MED28: variants seen among roughly 807,000 people sequenced by gnomAD.
The protein encoded by MED28 is mediator of RNA polymerase II transcription subunit 28.
MED28 carries 26 observed loss-of-function variants against 21.3 expected under a neutral mutation model. That is an observed-to-expected ratio of 1.22 (90% CI 0.89 to 1.69). The LOEUF is 1.69. Among genes scored for constraint, MED28 ranks in the 40% most tolerant of loss-of-function variants. MED28 has a pLI of 0.00. For synonymous variants in MED28, 110 were observed against 87.6 expected (o/e 1.26, Z -1.43); for missense variants, 257 against 215.4 (o/e 1.19, Z -1.21).
Position 17,625,926 on chromosome 4 carries a change from G to T in MED28, c.*2128G>T. On this transcript the variant is annotated 3_prime_UTR_variant, in exon 4 of 4. Transcript: ENST00000237380. ...TTTCAACTTTGAAACAAACATCTGT[G>T]CCACACACATTTTGTAAATGATCCC... is the stretch of plus-strand genomic sequence containing the variant. The T allele has an allele frequency of 5.4e-6, 1 of 186,860 alleles. No homozygotes were observed. Among genetic ancestry groups the T allele is most frequent in the South Asian group, 8.8e-5 (1 of 11,418 alleles). 11.6% of individuals were successfully genotyped at this position (186,860 alleles called of 1,614,324 possible).
At chr4:17,614,883 G>C (rs138425068) in intron 1 of MED28, 70 bp downstream of exon 1, 6 of 1,499,108 alleles carry the variant, frequency 4.0e-6, no homozygotes, top group East Asian at 4.6e-5. Flanking sequence ...GCGCGTACGC[G>C]TATCTCCTCC....
At chr4:17,621,017 T>TG (rs1714611776) in intron 2 of MED28, among the ~76,000 whole-genome samples, 1 of 108,258 alleles carries the variant, frequency 9.2e-6, no homozygotes, top group African/African-American at 3.4e-5. Context: ...CTCTGCCTTG[T>TG]GTTTTTTTTT....
At chr4:17,618,324 G>T (rs116495656) in intron 1 of MED28, among the ~76,000 whole-genome samples, 3,393 of 152,120 alleles carry the variant, frequency 0.022, 119 homozygotes, top group African/African-American at 0.077. Flanking sequence ...TTTTTCTTGA[G>T]TGGGTGGAGG....
At chr4:17,620,810 C>G (rs536485032) in intron 2 of MED28, among the ~76,000 whole-genome samples, 1 of 151,664 alleles carries the variant, frequency 6.6e-6, no homozygotes, top group Admixed American at 6.6e-5. Context: ...TGAAGCAGTC[C>G]TCCCATTTCA....
At chr4:17,616,603 C>T (rs1383679300) in intron 1 of MED28, among the ~76,000 whole-genome samples, 1 of 152,200 alleles carries the variant, frequency 6.6e-6, no homozygotes, top group Non-Finnish European at 1.5e-5. Flanking sequence ...CCCACGTGTA[C>T]CATTTGTTTT....
At position 17,624,841 on chromosome 4, in the gene MED28, A is replaced by G. The variant is rs1039263826; in HGVS notation, c.*1043A>G. On this transcript the variant is annotated 3_prime_UTR_variant, in exon 4 of 4. Coordinates refer to ENST00000237380, the MANE Select transcript of MED28 (RefSeq NM_025205.5). ...TTTGGGAGGGTATTTTGCTCTCGTT[A>G]GTTTTGTGGGCAGCCTCAGATTCCC... is the stretch of plus-strand genomic sequence containing the variant. The G allele has an allele frequency of 6.6e-6, 1 of 151,994 alleles. No individual in the cohort carries two copies. Among genetic ancestry groups the G allele is most frequent in the African/African-American group, 2.4e-5 (1 of 41,362 alleles). 9.4% of individuals were successfully genotyped at this position (151,994 alleles called of 1,614,324 possible).
rs200433148 is a variant in MED28 at position 17,614,787 on chromosome 4, G to C, written c.133G>C (p.Val45Leu). The C allele has an allele frequency of 4.3e-6, 7 of 1,612,240 alleles. No homozygotes were observed. The highest frequency in any genetic ancestry group is 5.9e-6 in the Non-Finnish European group (7 of 1,179,284). The part of the protein sequence containing the change: ...GAPRPSSSTL[V>L]DELESSFEAC... ...TCCTAGACCTTCCAGCAGTACTTTG[G>C]TGGACGAGTTGGAGTCATCTTTCGA... is the stretch of plus-strand genomic sequence containing the variant. Residue 45 changes from valine to leucine, a missense_variant, in exon 1 of 4, where the codon GTG becomes CTG. Transcript: ENST00000237380.
At position 17,614,676 on chromosome 4, in the gene MED28, A is replaced by C; in HGVS notation, c.22A>C (p.Met8Leu). 2 of 1,612,792 alleles carry C rather than the reference A, an allele frequency of 1.2e-6. No individual in the cohort carries two copies. The highest frequency in any genetic ancestry group is 1.7e-6 in the Non-Finnish European group (2 of 1,179,712). MAAPLGG[M>L]FSGQPPGPPQ... Reference sequence around the variant, plus strand: ...AAACATGGCGGCTCCACTAGGGGGTATGTTTTCTGGGCAGCCACCCGGTCC... The same window carrying C: ...AAACATGGCGGCTCCACTAGGGGGTCTGTTTTCTGGGCAGCCACCCGGTCC... The change falls in exon 1 of 4, where the codon ATG becomes CTG. Residue 8 changes from methionine (M) to leucine (L), a missense_variant. By Grantham distance (15) the Met-to-Leu change is conservative (BLOSUM62 2). Coordinates refer to ENST00000237380, the MANE Select transcript of MED28 (RefSeq NM_025205.5).
At chr4:17,620,762 G>T (rs1714603932) in intron 2 of MED28, among the ~76,000 whole-genome samples, 1 of 147,442 alleles carries the variant, frequency 6.8e-6, no homozygotes, top group Non-Finnish European at 1.5e-5. Flanking sequence ...GAGTGCAGTG[G>T]CATGATCTCT....
In MED28 at chr4:17,633,957, C is replaced by G. The variant is rs1220022352; in HGVS notation, c.*10159C>G. ...ACAAAATAAAGCATTATTGTAAAAG[C>G]AAATAATGCTCACCCAATCAAAATT... On this transcript the variant is annotated 3_prime_UTR_variant, in exon 4 of 4. Transcript: ENST00000237380. 8.3e-7 allele frequency: 1 copy of G among 1,206,176 alleles called. No individual in the cohort carries two copies. Among genetic ancestry groups the G allele is most frequent in the African/African-American group, 1.6e-5 (1 of 63,396 alleles). The allele number at this position is 1,206,176 out of a possible 1,614,324, so 74.7% of individuals were successfully genotyped here. A position where few individuals can be genotyped will look rare whatever the true frequency, so the allele number is the denominator to read the frequency against.
chr4:17,614,683 C>A lies in MED28; in HGVS notation c.29C>A (p.Ser10Tyr). 6.2e-7 allele frequency: 1 copy of A among 1,613,360 alleles called. No homozygotes were observed. Among genetic ancestry groups the A allele is most frequent in the Non-Finnish European group, 8.5e-7 (1 of 1,179,846 alleles). ...GCGGCTCCACTAGGGGGTATGTTTT[C>A]TGGGCAGCCACCCGGTCCCCCTCAG... MAAPLGGMF[S>Y]GQPPGPPQAP... is the part of the protein sequence containing the mutation. Residue 10 changes from serine to tyrosine, a missense_variant, in exon 1 of 4, where the codon TCT (serine) becomes TAT (tyrosine). Coordinates refer to ENST00000237380, the MANE Select transcript of MED28 (RefSeq NM_025205.5).
Position 17,633,904 on chromosome 4 carries a change from G to A in MED28, c.*10106G>A. On this transcript the variant is annotated 3_prime_UTR_variant, in exon 4 of 4. Transcript: ENST00000237380. Reference sequence around the variant, plus strand: ...CCTTCTTTTTCTGTTTGTATTAATGGACAGGTTAGTGCAATGCAATGCAAA... The same window carrying A: ...CCTTCTTTTTCTGTTTGTATTAATGAACAGGTTAGTGCAATGCAATGCAAA... The A allele has an allele frequency of 6.5e-7, 1 of 1,527,298 alleles. No individual in the cohort carries two copies. Among genetic ancestry groups the A allele is most frequent in the Non-Finnish European group, 8.8e-7 (1 of 1,136,040 alleles). 94.6% of individuals were successfully genotyped at this position (1,527,298 alleles called of 1,614,324 possible).
In MED28 at chr4:17,632,279, T is replaced by C; in HGVS notation, c.*8481T>C. The C allele has an allele frequency of 7.4e-6, 2 of 268,502 alleles. No homozygotes were observed. The highest frequency in any genetic ancestry group is 1.5e-5 in the Non-Finnish European group (2 of 137,764). The allele number at this position is 268,502 out of a possible 1,614,324, so 16.6% of individuals were successfully genotyped here. On this transcript the variant is annotated 3_prime_UTR_variant, in exon 4 of 4. Transcript: ENST00000237380. Reference sequence around the variant, plus strand: ...TTGTAGAGATGGGGTTTCACCATATTGGCCAGGCTGGTCTCAAATTCCTGG... The same window carrying C: ...TTGTAGAGATGGGGTTTCACCATATCGGCCAGGCTGGTCTCAAATTCCTGG...
At position 17,624,623 on chromosome 4, in the gene MED28, C is replaced by G. The variant is rs1285509004; in HGVS notation, c.*825C>G. On this transcript the variant is annotated 3_prime_UTR_variant, in exon 4 of 4. Coordinates refer to ENST00000237380, the MANE Select transcript of MED28 (RefSeq NM_025205.5). ...GGGCTAAATCTTGCTCTGATTGTCT[C>G]TTTCTGTTTTGAGTTTTGTTTGCGT... 1 of 151,742 alleles carries G rather than the reference C, an allele frequency of 6.6e-6. No individual in the cohort carries two copies. The highest frequency in any genetic ancestry group is 2.4e-5 in the African/African-American group (1 of 41,354). The allele number at this position is 151,742 out of a possible 1,614,324, so 9.4% of individuals were successfully genotyped here.
chr4:17,617,645 G>T lies in MED28; in HGVS notation c.160-2256G>T, dbSNP rs1016872557. ...TTTCTAGGCAGATGCGGTGGCTCAC[G>T]CCTGTAATCCCAGCACTTTGGGAGG... On this transcript the variant is annotated intron_variant, in intron 1 of 3. Coordinates refer to ENST00000237380, the MANE Select transcript of MED28 (RefSeq NM_025205.5). 2.2e-4 allele frequency among the ~76,000 whole-genome samples: 33 copies of T among 152,198 alleles called. 1 individual carries two copies. The highest frequency in any genetic ancestry group is 2.2e-3 in the Admixed American group (33 of 15,280).
In MED28 at chr4:17,632,940, G is replaced by A. The variant is rs1209547606; in HGVS notation, c.*9142G>A. Reference sequence around the variant, plus strand: ...TCAAGAGACTTTGTTTTTATTTTTTGTGACAGAGTCTCCCTCTGTCACCCA... The same window carrying A: ...TCAAGAGACTTTGTTTTTATTTTTTATGACAGAGTCTCCCTCTGTCACCCA... On this transcript the variant is annotated 3_prime_UTR_variant, in exon 4 of 4. Transcript: ENST00000237380. The A allele has an allele frequency of 5.1e-6, 1 of 195,046 alleles. No individual in the cohort carries two copies. Among genetic ancestry groups the A allele is most frequent in the Admixed American group, 5.5e-5 (1 of 18,344 alleles). The allele number at this position is 195,046 out of a possible 1,614,324, so 12.1% of individuals were successfully genotyped here. A position where few individuals can be genotyped will look rare whatever the true frequency, so the allele number is the denominator to read the frequency against.
In MED28 at chr4:17,624,566, G is replaced by A. The variant is rs1384927280; in HGVS notation, c.*768G>A. The stretch of plus-strand genomic sequence containing the variant: ...AATGGGTCAGTCACTGTTTTCAGTA[G>A]CATGACAGTGGGGTCATAGGTGAGC... On this transcript the variant is annotated 3_prime_UTR_variant, in exon 4 of 4. Coordinates refer to ENST00000237380, the MANE Select transcript of MED28 (RefSeq NM_025205.5). The A allele has an allele frequency of 6.6e-6, 1 of 151,908 alleles. No homozygotes were observed. Among genetic ancestry groups the A allele is most frequent in the African/African-American group, 2.4e-5 (1 of 41,370 alleles). The allele number at this position is 151,908 out of a possible 1,614,324, so 9.4% of individuals were successfully genotyped here. A position where few individuals can be genotyped will look rare whatever the true frequency, so the allele number is the denominator to read the frequency against.
intron 1 of MED28, 102 bp from the exon 2 acceptor site, chr4:17,619,799 C>A (rs1714564830): frequency 3.2e-6 from 3 of 946,922 alleles, no homozygotes; most frequent in East Asian, 5.2e-5. Flanking sequence ...ACAGATGCTG[C>A]CACCTCATCA....
In MED28 at chr4:17,628,255, CGTGT is replaced by C. The variant is rs71167314; in HGVS notation, c.*4490_*4493del. On this transcript the variant is annotated 3_prime_UTR_variant, in exon 4 of 4. Transcript: ENST00000237380. Reference sequence around the variant, plus strand: ...GCTGGTTAAAACGAGTGACAGCTGCCGTGTGTGTGTGTGTGTGTGTGTGTGTGTG... The same window carrying C: ...GCTGGTTAAAACGAGTGACAGCTGCCGTGTGTGTGTGTGTGTGTGTGTGTG... The C allele has an allele frequency of 6.1e-3, 856 of 140,890 alleles. 6 individuals carry two copies. Among genetic ancestry groups the C allele is most frequent in the African/African-American group, 0.018 (693 of 37,626 alleles). The allele number at this position is 140,890 out of a possible 1,614,324, so 8.7% of individuals were successfully genotyped here. A position where few individuals can be genotyped will look rare whatever the true frequency, so the allele number is the denominator to read the frequency against.
Sources: allele counts gnomAD v4.1 joint callset (sites outside exome capture counted in the v4.1 genomes callset), GRCh38; gene constraint gnomAD v4.1.1; transcripts MANE v1.5; gene names NCBI Gene and HGNC (gene_info 2026-07-23, HGNC 2026-07-21).